Variants in ZNF385D observed in about 807,000 individuals in gnomAD.
ZNF385D encodes the protein zinc finger protein 659.
A neutral mutation model predicts 35.8 loss-of-function variants in ZNF385D; 15 were observed. That is an observed-to-expected ratio of 0.42 (90% CI 0.28 to 0.64). The LOEUF is 0.64. ZNF385D is among the 30% of genes least tolerant of loss of function. ZNF385D has a pLI of 0.23. For synonymous variants in ZNF385D, 212 were observed against 186.8 expected (o/e 1.13, Z -1.10); for missense variants, 474 against 494.6 (o/e 0.96, Z 0.39).
intron 3 of ZNF385D, among the ~76,000 whole-genome samples, chr3:22,158,017 C>A (rs927441564): frequency 6.6e-6 from 1 of 152,030 alleles, no homozygotes; most frequent in African/African-American, 2.4e-5. Context: ...GCTTTACAAG[C>A]GATTCCAGAT....
At chr3:21,711,039 G>GGTTTTTTTTTTTTTTTTT (rs2068081805) in intron 1 of ZNF385D, among the ~76,000 whole-genome samples, 2 of 83,154 alleles carry the variant, frequency 2.4e-5, no homozygotes, top group African/African-American at 1.0e-4. Context: ...CCCTCTAAAA[G>GGTTTTTTTTTTTTTTTTT]TTTTTTTTTT....
chr3:21,533,144 A>G (rs2061961716), intron 3 of ZNF385D, among the ~76,000 whole-genome samples: 2 of 152,210 alleles, frequency 1.3e-5, no homozygotes, highest in Admixed American at 1.3e-4. Context: ...ACAACGAGTG[A>G]GTGAAAGAGC....
intron 3 of ZNF385D, among the ~76,000 whole-genome samples, chr3:21,840,617 G>C (rs916396639): frequency 2.0e-5 from 3 of 151,944 alleles, no homozygotes; most frequent in South Asian, 2.1e-4. Flanking sequence ...GGGATTTGGC[G>C]ACCCATAAGC....
intron 7 of ZNF385D, 67 bp downstream of exon 7, chr3:21,423,896 G>T: frequency 2.0e-6 from 3 of 1,506,514 alleles, no homozygotes; most frequent in South Asian, 2.4e-5. Flanking sequence ...CAAAATGCCA[G>T]AACAAATCAA....
Position 21,646,115 on chromosome 3 carries a change from AAAG to A in ZNF385D, c.165+18768_165+18770del, listed in dbSNP as rs2065745883. The stretch of plus-strand genomic sequence containing the variant: ...AGTGTCAGATAAGTTTTTTTTAAAG[AAAG>A]AAAACCTCAGGGAAATTTTTAAAAA... On this transcript the variant is annotated intron_variant, in intron 2 of 7. Coordinates refer to ENST00000281523, the MANE Select transcript of ZNF385D (RefSeq NM_024697.3). The surrounding 1 kb of genome is among the most constrained non-coding windows in gnomAD (Gnocchi z 4.3). Among the ~76,000 whole-genome samples the A allele has an allele frequency of 6.6e-6, 1 of 152,178 alleles. No homozygotes were observed. The highest frequency in any genetic ancestry group is 1.5e-5 in the Non-Finnish European group (1 of 68,038).
At chr3:22,061,502 C>T (rs1451844225) in intron 3 of ZNF385D, among the ~76,000 whole-genome samples, 2 of 151,970 alleles carry the variant, frequency 1.3e-5, no homozygotes, top group Non-Finnish European at 2.9e-5. Context: ...TAAAAGTATA[C>T]CAGATTATGT....
chr3:21,468,708 G>T (rs370302700), intron 4 of ZNF385D, among the ~76,000 whole-genome samples: 1 of 152,082 alleles, frequency 6.6e-6, no homozygotes, highest in East Asian at 1.9e-4. Flanking sequence ...GGCGGATCAC[G>T]AGGTCAGGAG....
chr3:22,333,185 C>G (rs1411035457), intron 2 of ZNF385D, among the ~76,000 whole-genome samples: 1 of 152,128 alleles, frequency 6.6e-6, no homozygotes, highest in East Asian at 1.9e-4. Context: ...TAATTCAAAT[C>G]ATTGACCCTT....
At chr3:21,815,551 C>T (rs1179947964) in intron 3 of ZNF385D, among the ~76,000 whole-genome samples, 1 of 152,180 alleles carries the variant, frequency 6.6e-6, no homozygotes, top group South Asian at 2.1e-4. Context: ...ACTATAAACA[C>T]CTCTCCACAA....
At chr3:22,088,525 T>C (rs554232283) in intron 3 of ZNF385D, among the ~76,000 whole-genome samples, 2 of 152,262 alleles carry the variant, frequency 1.3e-5, no homozygotes, top group African/African-American at 4.8e-5. Flanking sequence ...TCATCTGAAA[T>C]TGTTGCATGA....
At chr3:21,451,155 A>G (rs1475519633) in intron 4 of ZNF385D, among the ~76,000 whole-genome samples, 2 of 152,148 alleles carry the variant, frequency 1.3e-5, no homozygotes, top group Admixed American at 1.3e-4. Context: ...AGATGGATCA[A>G]TATGACGAAC....
In ZNF385D at chr3:22,095,202, C is replaced by T. The variant is rs76753788; in HGVS notation, c.325+73615G>A. Among the ~76,000 whole-genome samples, 613 of 149,626 alleles carry T rather than the reference C, an allele frequency of 4.1e-3. 14 individuals are homozygous for T. In the East Asian group the frequency reaches 0.071, roughly 17 times the overall value. ...TTGGTCTCCCAAAGCACTGTGATTACAGGTGTGAACGATAGCACCTGGTCC... is the reference window on the plus strand; with the variant it reads ...TTGGTCTCCCAAAGCACTGTGATTATAGGTGTGAACGATAGCACCTGGTCC... On this transcript the variant is annotated intron_variant, in intron 3 of 5. Coordinates refer to the ZNF385D transcript ENST00000494108.
intron 1 of ZNF385D, among the ~76,000 whole-genome samples, chr3:21,706,443 G>A (rs903938228): frequency 1.3e-5 from 2 of 152,086 alleles, no homozygotes; most frequent in African/African-American, 4.8e-5. Context: ...GTGATGCCAG[G>A]AATTAATTTT....
intron 2 of ZNF385D, among the ~76,000 whole-genome samples, chr3:22,278,688 T>C (rs1278327998): frequency 6.6e-6 from 1 of 151,928 alleles, no homozygotes; most frequent in Admixed American, 6.6e-5. Context: ...CACTCTCCAC[T>C]TCTTTTTCAT....
rs1698480082 is a variant in ZNF385D, at chr3:22,038,658, ATTTAAT to A, written c.325+130153_325+130158del. On this transcript the variant is annotated intron_variant, in intron 3 of 5. Transcript: ENST00000494108. ...TTGAAAAAACTAGTGTAATTTGGAA[ATTTAAT>A]TCTAATTCTTTTGGATCTAATAAAC... is the stretch of plus-strand genomic sequence containing the variant. Among the ~76,000 whole-genome samples the A allele has an allele frequency of 2.6e-5, 4 of 152,088 alleles. No individual in the cohort carries two copies. In the South Asian group the frequency reaches 8.3e-4, roughly 31 times the overall value.
At chr3:21,517,922 A>G (rs1707680663) in intron 3 of ZNF385D, among the ~76,000 whole-genome samples, 2 of 152,206 alleles carry the variant, frequency 1.3e-5, no homozygotes, top group Middle Eastern at 3.2e-3. Context: ...TTAACATCAT[A>G]GTGTGGGCTT....
At chr3:21,957,123 G>A in intron 3 of ZNF385D, 1 of 161,388 alleles carries the variant, frequency 6.2e-6, no homozygotes, top group Non-Finnish European at 1.3e-5. Flanking sequence ...ATTTTCTCTT[G>A]CTGCTACCAT....
At chr3:22,367,588 A>T (rs970603735) in intron 2 of ZNF385D, among the ~76,000 whole-genome samples, 2 of 105,810 alleles carry the variant, frequency 1.9e-5, no homozygotes, top group Non-Finnish European at 4.2e-5. Context: ...ATACAATTTT[A>T]AAATCTAGAT....
At chr3:22,297,340 A>G (rs961558733) in intron 2 of ZNF385D, among the ~76,000 whole-genome samples, 7 of 152,054 alleles carry the variant, frequency 4.6e-5, no homozygotes, top group Non-Finnish European at 1.0e-4. Context: ...GAAAAAAGCT[A>G]TCTTTTGGCC....
Sources: allele counts gnomAD v4.1 joint callset (sites outside exome capture counted in the v4.1 genomes callset), GRCh38; gene constraint gnomAD v4.1.1; non-coding constraint Gnocchi (gnomAD v3.1); transcripts MANE v1.5; gene names NCBI Gene and HGNC (gene_info 2026-07-23, HGNC 2026-07-21).